Variants in UNC13D observed in about 807,000 individuals in gnomAD.
The protein encoded by UNC13D is protein unc-13 homolog D.
Under a neutral mutation model 151.7 loss-of-function variants are expected in UNC13D, and 115 were observed. The observed-to-expected ratio is 0.76, with a 90% CI of 0.65 to 0.88. The LOEUF (loss-of-function observed/expected upper bound fraction) is 0.88. Among genes scored for constraint, UNC13D ranks in the 40% least tolerant of loss-of-function variants. UNC13D has a pLI of 0.00. For missense variants in UNC13D, 1,369 were observed against 1,438.7 expected, an observed-to-expected ratio of 0.95 and a Z score of 0.78; for synonymous variants, 588 against 612.2, an observed-to-expected ratio of 0.96 and a Z score of 0.58.
In UNC13D at chr17:75,834,964, G is replaced by T. The variant is rs2064897138; in HGVS notation, c.1948C>A (p.Pro650Thr). ...ATCATGAAGGCCTCCTCTGGGTCTG[G>T]CCAGTCCAGCTGCCGGGCAGTGTGG... is the stretch of plus-strand genomic sequence containing the variant. ...ISHTARQLDW[P>T]DPEEAFMITV... The change falls in exon 21 of 32, where the codon CCA becomes ACA. Residue 650 changes from proline (P) to threonine (T), a missense_variant. Transcript: ENST00000207549. The T allele has an allele frequency of 6.2e-7, 1 of 1,614,000 alleles. No individual in the cohort carries two copies. The highest frequency in any genetic ancestry group is 8.5e-7 in the Non-Finnish European group (1 of 1,180,038).
chr17:75,830,783 T>C, intron 27 of UNC13D, 122 bp from the exon 28 acceptor site: 1 of 1,260,696 alleles, frequency 7.9e-7, no homozygotes, highest in Non-Finnish European at 1.1e-6. Context: ...TATTGGGTCA[T>C]GGGACAACGG....
At position 75,832,999 on chromosome 17, in the gene UNC13D, A is replaced by T; in HGVS notation, c.2414T>A (p.Met805Lys). 1 of 1,601,732 alleles carries T rather than the reference A, an allele frequency of 6.2e-7. No individual in the cohort carries two copies. The highest frequency in any genetic ancestry group is 8.5e-7 in the Non-Finnish European group (1 of 1,175,126). ...GTTCTCCTGCACCAAGTTGGTGTTC[A>T]TGTAGCAAAGCTCCACCTCCAGGAA... ...MKFLEVELCY[M>K]NTNLVQENFS... Residue 805 changes from methionine (M) to lysine (K), a missense_variant, in exon 25 of 32, where the codon ATG (methionine) becomes AAG (lysine). Met to Lys is a moderately conservative substitution (Grantham distance 95, BLOSUM62 -1). Around this residue, in one of 3 missense-constraint regions of UNC13D, gnomAD observed 807 missense variants for 795.5 expected, o/e 1.01. Coordinates refer to ENST00000207549, the MANE Select transcript of UNC13D (RefSeq NM_199242.3). This position sits in a 1 kb window ranked among gnomAD's most constrained non-coding sequence, Gnocchi z 4.3.
intron 25 of UNC13D, 83 bp from the exon 26 acceptor site, chr17:75,831,431 C>T (rs886469638): frequency 2.4e-5 from 32 of 1,312,328 alleles, no homozygotes; most frequent in Non-Finnish European, 2.9e-5. Context: ...GAGAAAGGGG[C>T]GGCCTCAGTG....
At position 75,842,521 on chromosome 17, in the gene UNC13D, C is replaced by T. The variant is rs148148746; in HGVS notation, c.481G>A (p.Val161Met). ...TCCTCCTCGGGGATGGTGTGCCTCA[C>T]CACAGCCTTCTGCCGATGCCGGGAC... is the stretch of plus-strand genomic sequence containing the variant. ...PGSRHRQKAV[V>M]RHTIPEEETH... is the part of the protein sequence containing the mutation. Residue 161 changes from valine to methionine, a missense_variant, in exon 6 of 32, where the codon GTG becomes ATG. Val to Met is a conservative substitution (Grantham distance 21). This residue lies in a region of UNC13D where 550 missense variants were observed against 609.0 expected (regional missense o/e 0.90). Transcript: ENST00000207549. 55 of 1,613,170 alleles carry T rather than the reference C, an allele frequency of 3.4e-5. No homozygotes were observed. The African/African-American group carries it at 5.5e-4, about 16-fold the overall frequency.
intron 30 of UNC13D, chr17:75,829,804 C>G: frequency 1.8e-6 from 1 of 567,846 alleles, no homozygotes; most frequent in Non-Finnish European, 3.0e-6. Flanking sequence ...TCTTGAACTC[C>G]TGACCTCAAG....
chr17:75,834,850 C>G, intron 21 of UNC13D, 70 bp downstream of exon 21: 1 of 1,612,624 alleles, frequency 6.2e-7, no homozygotes, highest in South Asian at 1.1e-5. Context: ...GGTGAGAGCA[C>G]GGGAGAAACG....
chr17:75,837,726 C>A (rs2064918454), intron 12 of UNC13D, among the ~76,000 whole-genome samples: 1 of 144,578 alleles, frequency 6.9e-6, no homozygotes, highest in Non-Finnish European at 1.5e-5. Flanking sequence ...GGCACTCCAG[C>A]CTGGGCGACA....
At position 75,840,855 on chromosome 17, in the gene UNC13D, G is replaced by A; in HGVS notation, c.615-25C>T. ...CCTGGCAGGACAGAGGTTTGAGAAG[G>A]AAGCAGAGAGAGTGCCTACGACCTC... On this transcript the variant is annotated intron_variant, in intron 7 of 31. Coordinates refer to ENST00000207549, the MANE Select transcript of UNC13D (RefSeq NM_199242.3). The surrounding 1 kb of genome is among the most constrained non-coding windows in gnomAD (Gnocchi z 4.6). 6.2e-7 allele frequency: 1 copy of A among 1,614,066 alleles called. No homozygotes were observed. The highest frequency in any genetic ancestry group is 8.5e-7 in the Non-Finnish European group (1 of 1,180,016).
intron 19 of UNC13D, 44 bp downstream of exon 19, chr17:75,835,603 T>A: frequency 6.2e-7 from 1 of 1,612,416 alleles, no homozygotes; most frequent in Non-Finnish European, 8.5e-7. Flanking sequence ...CACCCTCCCC[T>A]CCCCTGTGCC....
At chr17:75,835,154 A>G in intron 20 of UNC13D, 91 bp from the exon 21 acceptor site, 8 of 1,565,170 alleles carry the variant, frequency 5.1e-6, no homozygotes, top group Non-Finnish European at 6.9e-6. Flanking sequence ...CACCAGGCAC[A>G]GAGCTGGGCA....
Position 75,835,629 on chromosome 17 carries a change from A to C in UNC13D, c.1727+18T>G. On this transcript the variant is annotated intron_variant, in intron 19 of 31. Coordinates refer to ENST00000207549, the MANE Select transcript of UNC13D (RefSeq NM_199242.3). The stretch of plus-strand genomic sequence containing the variant: ...CCCCTGTGCCCCTGCAGCCGCCCAC[A>C]ATTGGCCTGCTGCCCACCTCTCTGA... The C allele has an allele frequency of 6.2e-7, 1 of 1,613,074 alleles. No individual in the cohort carries two copies. The highest frequency in any genetic ancestry group is 8.5e-7 in the Non-Finnish European group (1 of 1,179,958).
In UNC13D at chr17:75,830,015, G is replaced by A. The variant is rs772473891; in HGVS notation, c.2954+13C>T. On this transcript the variant is annotated intron_variant, in intron 30 of 31. Coordinates refer to ENST00000207549, the MANE Select transcript of UNC13D (RefSeq NM_199242.3). ...TGAGGGGAGGGACTGGGAGAAGAAC[G>A]GGACCCACTCACAATTCAAAGGTCT... 20 of 1,573,290 alleles carry A rather than the reference G, an allele frequency of 1.3e-5. No individual in the cohort carries two copies. Among genetic ancestry groups the A allele is most frequent in the South Asian group, 3.5e-5 (3 of 85,456 alleles).
rs1411846980 is a variant in UNC13D, at chr17:75,831,158, G to A, written c.2565C>T (p.Ile855=). The change falls in exon 27 of 32, where the codon ATC becomes ATT. Residue 855 remains isoleucine (I), a synonymous_variant. Coordinates refer to ENST00000207549, the MANE Select transcript of UNC13D (RefSeq NM_199242.3). ...GGCCACAGCCCTCAGCGTGGAAGCA[G>A]ATCTCCAGGTTCTGGGGGAGATATC... ...RLKIALQNLE[I]CFHAEGCGLP... 1 of 1,614,112 alleles carries A rather than the reference G, an allele frequency of 6.2e-7. No individual in the cohort carries two copies. The highest frequency in any genetic ancestry group is 1.1e-5 in the South Asian group (1 of 91,086).
intron 1 of UNC13D, chr17:75,843,761 ACCTC>A (rs1369187573): frequency 1.4e-6 from 2 of 1,412,982 alleles, no homozygotes; most frequent in Non-Finnish European, 1.8e-6. Flanking sequence ...CCCGCACCCC[ACCTC>A]CCTCCCTTCC....
At chr17:75,835,267 T>C (rs2064899267) in intron 20 of UNC13D, 142 bp downstream of exon 20, 2 of 1,373,674 alleles carry the variant, frequency 1.5e-6, no homozygotes, top group Non-Finnish European at 2.0e-6. Flanking sequence ...AGGCAGCGTT[T>C]TGCACAAAAC....
chr17:75,843,801 G>T, intron 1 of UNC13D: 2 of 1,391,818 alleles, frequency 1.4e-6, no homozygotes, highest in South Asian at 3.1e-5. Flanking sequence ...CTGCTTATCA[G>T]TGGCGGCTGC....
Position 75,840,714 on chromosome 17 carries a change from G to A in UNC13D, c.683+48C>T. 1 of 1,612,984 alleles carries A rather than the reference G, an allele frequency of 6.2e-7. No homozygotes were observed. Among genetic ancestry groups the A allele is most frequent in the Non-Finnish European group, 8.5e-7 (1 of 1,179,416 alleles). Reference sequence around the variant, plus strand: ...TCCAGTGTGCATGTTGGGGGATGGAGGGCAAAAGGAGCCCCAACCCCTTCC... The same window carrying A: ...TCCAGTGTGCATGTTGGGGGATGGAAGGCAAAAGGAGCCCCAACCCCTTCC... On this transcript the variant is annotated intron_variant, in intron 8 of 31. Transcript: ENST00000207549. The surrounding 1 kb of genome is among the most constrained non-coding windows in gnomAD (Gnocchi z 4.6).
At chr17:75,831,986 G>A (rs1462237088) in intron 25 of UNC13D, 1 of 154,654 alleles carries the variant, frequency 6.5e-6, no homozygotes, top group Non-Finnish European at 1.4e-5. Context: ...AGGCATAATG[G>A]CATGCACCTG....
In UNC13D at chr17:75,830,633, G is replaced by A. The variant is rs539360933; in HGVS notation, c.2654C>T (p.Ala885Val). 26 of 1,555,728 alleles carry A rather than the reference G, an allele frequency of 1.7e-5. No homozygotes were observed. In the East Asian group the frequency reaches 1.7e-4, roughly 10 times the overall value. Residue 885 changes from alanine to valine, a missense_variant, in exon 28 of 32, where the codon GCG becomes GTG. By Grantham distance (64) the Ala-to-Val change is moderately conservative (BLOSUM62 0). This residue lies in a region of UNC13D where 807 missense variants were observed against 795.5 expected (regional missense o/e 1.01). Transcript: ENST00000207549. ...QALQRDLELQ[A>V]ASSRELIRKY... The stretch of plus-strand genomic sequence containing the variant: ...CCGGATGAGTTCCCGGCTGGAGGCC[G>A]CCTGCAGCTCCAGGTCCCTCTGCAG...
Sources: allele counts gnomAD v4.1 joint callset (sites outside exome capture counted in the v4.1 genomes callset), GRCh38; gene constraint gnomAD v4.1.1; regional missense constraint gnomAD v4.1.1; non-coding constraint Gnocchi (gnomAD v3.1); transcripts MANE v1.5; gene names NCBI Gene and HGNC (gene_info 2026-07-23, HGNC 2026-07-21).